NOVA1: variants seen among roughly 807,000 people sequenced by gnomAD.
The protein encoded by NOVA1 is NOVA alternative splicing regulator 1.
NOVA1 carries 7 observed loss-of-function variants against 38.0 expected under a neutral mutation model. That is an observed-to-expected ratio of 0.18 (90% CI 0.10 to 0.35). NOVA1 has a LOEUF of 0.35. Among genes scored for constraint, NOVA1 ranks in the 10% least tolerant of loss-of-function variants. The pLI is 1.00. For synonymous variants in NOVA1, 270 were observed against 232.5 expected (o/e 1.16, Z -1.47); for missense variants, 460 against 616.0 (o/e 0.75, Z 2.68).
chr14:26,558,541 G>A (rs1891631550), intron 2 of NOVA1, among the ~76,000 whole-genome samples: 1 of 152,018 alleles, frequency 6.6e-6, no homozygotes, highest in South Asian at 2.1e-4. Context: ...AGAAGGTCAG[G>A]AAGCAAAGGA....
intron 4 of NOVA1, among the ~76,000 whole-genome samples, chr14:26,463,584 C>T (rs1883877426): frequency 6.6e-6 from 1 of 152,112 alleles, no homozygotes; most frequent in African/African-American, 2.4e-5. Context: ...AATTAACTGT[C>T]ATGTGTTCAA....
rs2138838938 is a variant in NOVA1, at chr14:26,597,631, C to A, written c.-195G>T. 2 of 1,197,884 alleles carry A rather than the reference C, an allele frequency of 1.7e-6. No individual in the cohort carries two copies. Among genetic ancestry groups the A allele is most frequent in the African/African-American group, 1.7e-5 (1 of 58,170 alleles). 74.2% of individuals were successfully genotyped at this position (1,197,884 alleles called of 1,614,324 possible). A position where few individuals can be genotyped will look rare whatever the true frequency, so the allele number is the denominator to read the frequency against. On this transcript the variant is annotated 5_prime_UTR_variant, in exon 1 of 5. Coordinates refer to ENST00000539517, the MANE Select transcript of NOVA1 (RefSeq NM_002515.3). The stretch of plus-strand genomic sequence containing the variant: ...TGGTTTGTTCTCACTGGGGAGGGGG[C>A]AGGGCTGAGGAGCAGCTGCAGTGCA...
chr14:26,551,227 T>G, intron 2 of NOVA1, among the ~76,000 whole-genome samples: 1 of 152,018 alleles, frequency 6.6e-6, no homozygotes, highest in East Asian at 1.9e-4. Flanking sequence ...CCTTCTAAAA[T>G]TAAATGTGTA....
At chr14:26,527,971 G>A (rs1189203623) in intron 2 of NOVA1, among the ~76,000 whole-genome samples, 2 of 152,136 alleles carry the variant, frequency 1.3e-5, no homozygotes, top group East Asian at 1.9e-4. Flanking sequence ...GCCTAAAAAC[G>A]GCTTGGCTCC....
intron 3 of NOVA1, among the ~76,000 whole-genome samples, chr14:26,473,427 A>C (rs1884745610): frequency 6.6e-6 from 1 of 151,688 alleles, no homozygotes; most frequent in Non-Finnish European, 1.5e-5. Flanking sequence ...TTGAAGATAC[A>C]CTTGTATATG....
intron 2 of NOVA1, among the ~76,000 whole-genome samples, chr14:26,579,048 GT>G (rs1893041435): frequency 8.4e-6 from 1 of 119,062 alleles, no homozygotes; most frequent in Non-Finnish European, 1.8e-5. Flanking sequence ...ATAGCAGGTG[GT>G]ATTCTTTTTT....
intron 2 of NOVA1, among the ~76,000 whole-genome samples, chr14:26,576,035 C>T (rs1455154349): frequency 6.6e-6 from 1 of 151,320 alleles, no homozygotes; most frequent in Non-Finnish European, 1.5e-5. Context: ...CAAATATTGA[C>T]CATTTTGATA....
chr14:26,522,705 T>C (rs1041020875), intron 2 of NOVA1, among the ~76,000 whole-genome samples: 6 of 152,124 alleles, frequency 3.9e-5, no homozygotes, highest in African/African-American at 1.4e-4. Flanking sequence ...CATCTTCTAT[T>C]TCTGACAAAA....
At chr14:26,571,738 T>C (rs1892488281) in intron 2 of NOVA1, among the ~76,000 whole-genome samples, 1 of 152,176 alleles carries the variant, frequency 6.6e-6, no homozygotes, top group African/African-American at 2.4e-5. Context: ...TTTGGACAAC[T>C]GTCACATAGA....
intron 2 of NOVA1, among the ~76,000 whole-genome samples, chr14:26,522,633 G>A (rs10400753): frequency 0.021 from 3,230 of 152,100 alleles, 111 homozygotes; most frequent in African/African-American, 0.074. Context: ...TAGCTACATT[G>A]CAATAGGCTT....
chr14:26,455,235 G>T (rs955207147), intron 4 of NOVA1, among the ~76,000 whole-genome samples: 1 of 152,182 alleles, frequency 6.6e-6, no homozygotes, highest in Non-Finnish European at 1.5e-5. Flanking sequence ...TGCTCACTCA[G>T]ATTTTAAACC....
chr14:26,587,944 A>C (rs1399886651), intron 2 of NOVA1, among the ~76,000 whole-genome samples: 1 of 151,186 alleles, frequency 6.6e-6, no homozygotes, highest in African/African-American at 2.4e-5. Context: ...AATTTAAATG[A>C]AGACAATCTT....
intron 2 of NOVA1, among the ~76,000 whole-genome samples, chr14:26,586,770 G>C (rs1893539631): frequency 6.6e-6 from 1 of 150,966 alleles, no homozygotes. Context: ...ACATGCTCCA[G>C]GCAATATAAC....
chr14:26,515,727 A>G (rs1325942571), intron 2 of NOVA1, among the ~76,000 whole-genome samples: 1 of 152,212 alleles, frequency 6.6e-6, no homozygotes, highest in Non-Finnish European at 1.5e-5. Context: ...TGACTTTTCA[A>G]CTACAATTAT....
intron 2 of NOVA1, among the ~76,000 whole-genome samples, chr14:26,567,684 C>G (rs934509673): frequency 6.6e-6 from 1 of 152,078 alleles, no homozygotes; most frequent in African/African-American, 2.4e-5. Context: ...TATAGTTATT[C>G]TTCTGCACCT....
chr14:26,564,725 A>G (rs1262892133), intron 2 of NOVA1, among the ~76,000 whole-genome samples: 1 of 152,140 alleles, frequency 6.6e-6, no homozygotes, highest in Non-Finnish European at 1.5e-5. Flanking sequence ...TCACTTCAAA[A>G]CCTTTGAAAT....
intron 2 of NOVA1, among the ~76,000 whole-genome samples, chr14:26,552,710 T>C (rs1891235183): frequency 6.6e-6 from 1 of 152,116 alleles, no homozygotes; most frequent in Non-Finnish European, 1.5e-5. Flanking sequence ...TAACTAACTA[T>C]TAAATATACA....
At chr14:26,544,232 C>G (rs1377296627) in intron 2 of NOVA1, among the ~76,000 whole-genome samples, 1 of 151,804 alleles carries the variant, frequency 6.6e-6, no homozygotes, top group Non-Finnish European at 1.5e-5. Flanking sequence ...CAGAGATAAA[C>G]CAGAAAGTCA....
At chr14:26,532,439 T>A (rs1048662648) in intron 2 of NOVA1, among the ~76,000 whole-genome samples, 4 of 152,124 alleles carry the variant, frequency 2.6e-5, no homozygotes, top group African/African-American at 9.7e-5. Flanking sequence ...GGCTACATAA[T>A]GTATGCTTCT....
Sources: allele counts gnomAD v4.1 joint callset (sites outside exome capture counted in the v4.1 genomes callset), GRCh38; gene constraint gnomAD v4.1.1; transcripts MANE v1.5; gene names NCBI Gene and HGNC (gene_info 2026-07-23, HGNC 2026-07-21).